SLC35F4: variants seen among roughly 807,000 people sequenced by gnomAD.
SLC35F4 encodes solute carrier family 35 member F4.
A neutral mutation model predicts 44.2 loss-of-function variants in SLC35F4; 24 were observed. That is an observed-to-expected ratio of 0.54 (90% CI 0.39 to 0.76). The LOEUF is 0.76. Ranked by LOEUF, SLC35F4 falls within the 30% of genes least tolerant of loss-of-function variation. The pLI is 0.00. For missense variants in SLC35F4, 562 were observed against 586.1 expected, an observed-to-expected ratio of 0.96 and a Z score of 0.42; for synonymous variants, 238 against 223.6, an observed-to-expected ratio of 1.06 and a Z score of -0.57.
intron 1 of SLC35F4, among the ~76,000 whole-genome samples, chr14:57,764,174 A>G (rs1287958679): frequency 6.6e-6 from 1 of 152,180 alleles, no homozygotes; most frequent in African/African-American, 2.4e-5. Flanking sequence ...ACAGCCTCCC[A>G]GCTGAACCTA....
intron 3 of SLC35F4, among the ~76,000 whole-genome samples, chr14:57,582,294 C>T (rs973913054): frequency 6.6e-6 from 1 of 152,120 alleles, no homozygotes; most frequent in Non-Finnish European, 1.5e-5. Context: ...CTCCCAGACT[C>T]GAGCCATCCT....
At position 57,622,671 on chromosome 14, in the gene SLC35F4, G is replaced by A. The variant is rs1410067382; in HGVS notation, c.104-28547C>T. Among the ~76,000 whole-genome samples the A allele has an allele frequency of 2.0e-5, 3 of 152,204 alleles. No homozygotes were observed. In the East Asian group the frequency reaches 5.8e-4, roughly 29 times the overall value. On this transcript the variant is annotated intron_variant, in intron 1 of 7. Transcript: ENST00000556826. ...ACATCACACTCTGGGGACTGTTGTG[G>A]GGTTGGGGGAGTGGGGAGGGATAGC...
intron 1 of SLC35F4, among the ~76,000 whole-genome samples, chr14:57,602,066 C>T (rs943168538): frequency 6.6e-6 from 1 of 151,986 alleles, no homozygotes; most frequent in Non-Finnish European, 1.5e-5. Flanking sequence ...ATATATATTT[C>T]CCCAAATGCT....
intron 1 of SLC35F4, among the ~76,000 whole-genome samples, chr14:57,619,850 A>G (rs989548570): frequency 2.0e-5 from 3 of 152,086 alleles, no homozygotes; most frequent in African/African-American, 7.2e-5. Context: ...GAACACATAT[A>G]ACCTGATGAA....
At chr14:57,751,945 T>C (rs1040146768) in intron 1 of SLC35F4, among the ~76,000 whole-genome samples, 2 of 152,086 alleles carry the variant, frequency 1.3e-5, no homozygotes, top group Non-Finnish European at 2.9e-5. Flanking sequence ...TCTGTGTGTG[T>C]GTGTGTGTTT....
intron 1 of SLC35F4, among the ~76,000 whole-genome samples, chr14:57,724,266 G>A (rs893999850): frequency 3.3e-5 from 5 of 152,204 alleles, no homozygotes; most frequent in Non-Finnish European, 5.9e-5. Flanking sequence ...TTCAGTGGCA[G>A]ATAGGGATGC....
intron 1 of SLC35F4, among the ~76,000 whole-genome samples, chr14:57,861,071 C>A (rs1887637582): frequency 1.3e-5 from 2 of 152,176 alleles, no homozygotes. Flanking sequence ...TGACCAAAAA[C>A]TTTAAACGGA....
At chr14:57,731,323 G>A (rs62003373) in intron 1 of SLC35F4, among the ~76,000 whole-genome samples, 2 of 152,236 alleles carry the variant, frequency 1.3e-5, no homozygotes, top group East Asian at 3.9e-4. Context: ...AACACTACAT[G>A]ATTTTGACAA....
At chr14:57,781,210 A>G (rs1193710095) in intron 1 of SLC35F4, among the ~76,000 whole-genome samples, 1 of 152,186 alleles carries the variant, frequency 6.6e-6, no homozygotes, top group Non-Finnish European at 1.5e-5. Context: ...GAACTTAAAC[A>G]AATTTACAAG....
intron 1 of SLC35F4, among the ~76,000 whole-genome samples, chr14:57,764,637 A>G (rs956412079): frequency 6.6e-6 from 1 of 152,242 alleles, no homozygotes; most frequent in Admixed American, 6.5e-5. Flanking sequence ...ACAGAATAAT[A>G]TAGCATTTAA....
Position 57,569,919 on chromosome 14 carries a change from G to A in SLC35F4, c.995C>T (p.Thr332Ile), listed in dbSNP as rs1249930780. 1.2e-6 allele frequency: 2 copies of A among 1,612,960 alleles called. No individual in the cohort carries two copies. The highest frequency in any genetic ancestry group is 1.1e-5 in the South Asian group (1 of 90,742). ...GAAGATCAAATTGAAGAAACCCAAG[G>A]TGGAGACAAAGTGTGCAGCTTCCCC... is the stretch of plus-strand genomic sequence containing the variant. Reference protein sequence around the residue: ...NFGEAAHFVSTLGFFNLIFIS... With the variant: ...NFGEAAHFVSILGFFNLIFIS... Residue 332 changes from threonine (T) to isoleucine (I), a missense_variant, in exon 6 of 8, where the codon ACC becomes ATC. Thr to Ile is a moderately conservative substitution (Grantham distance 89). Coordinates refer to ENST00000556826, the MANE Select transcript of SLC35F4 (RefSeq NM_001306087.2).
chr14:57,779,621 A>T (rs2077570170), intron 1 of SLC35F4, among the ~76,000 whole-genome samples: 1 of 152,138 alleles, frequency 6.6e-6, no homozygotes, highest in Admixed American at 6.5e-5. Context: ...TCTGGCAGAG[A>T]TACAACAAAA....
At chr14:57,741,291 G>C (rs569037107) in intron 1 of SLC35F4, among the ~76,000 whole-genome samples, 1 of 152,148 alleles carries the variant, frequency 6.6e-6, no homozygotes, top group Non-Finnish European at 1.5e-5. Flanking sequence ...AAACTTCTCC[G>C]AGCTAAAGGA....
intron 1 of SLC35F4, among the ~76,000 whole-genome samples, chr14:57,939,322 C>G (rs1415682537): frequency 6.6e-6 from 1 of 152,118 alleles, no homozygotes; most frequent in Non-Finnish European, 1.5e-5. Context: ...TCAAAGCAGT[C>G]CCTAGATCAG....
intron 4 of SLC35F4, among the ~76,000 whole-genome samples, chr14:57,576,147 T>TA (rs1193023923): frequency 1.3e-5 from 2 of 152,222 alleles, no homozygotes; most frequent in African/African-American, 2.4e-5. Context: ...TGCATAACAG[T>TA]ACCAGCTCTT....
Position 57,602,710 on chromosome 14 carries a change from G to T in SLC35F4, c.104-8586C>A, listed in dbSNP as rs563007372. On this transcript the variant is annotated intron_variant, in intron 1 of 7. Coordinates refer to ENST00000556826, the MANE Select transcript of SLC35F4 (RefSeq NM_001306087.2). ...TTCCCTGGGTCTCCAAATGCCAGAG[G>T]AGCTCCACTGTTATACTTGTCAAGC... Among the ~76,000 whole-genome samples, 7 of 152,228 alleles carry T rather than the reference G, an allele frequency of 4.6e-5. No individual in the cohort carries two copies. In the South Asian group the frequency reaches 1.5e-3, roughly 32 times the overall value.
intron 1 of SLC35F4, chr14:57,799,613 G>T (rs541279929): frequency 2.0e-5 from 3 of 152,764 alleles, no homozygotes; most frequent in South Asian, 2.1e-4. Context: ...CGGAGCTCCT[G>T]GGGGGAGGGG....
chr14:57,891,592 C>T (rs1037839960), intron 1 of SLC35F4, among the ~76,000 whole-genome samples: 1 of 152,056 alleles, frequency 6.6e-6, no homozygotes, highest in Non-Finnish European at 1.5e-5. Flanking sequence ...AAGACTCTTT[C>T]TTGGGCCAGG....
At chr14:57,890,406 C>G (rs765689598) in intron 1 of SLC35F4, among the ~76,000 whole-genome samples, 10 of 152,202 alleles carry the variant, frequency 6.6e-5, no homozygotes, top group Middle Eastern at 3.4e-3. Flanking sequence ...TTACAGTAAC[C>G]CTCAAATACA....
Sources: allele counts gnomAD v4.1 joint callset (sites outside exome capture counted in the v4.1 genomes callset), GRCh38; gene constraint gnomAD v4.1.1; transcripts MANE v1.5; gene names NCBI Gene and HGNC (gene_info 2026-07-23, HGNC 2026-07-21).